STPG2: variants seen among roughly 807,000 people sequenced by gnomAD.
STPG2 encodes sperm-tail PG-rich repeat-containing protein 2.
In STPG2, 56 loss-of-function variants were observed where a neutral mutation model predicts 54.2. The observed-to-expected ratio is 1.03, with a 90% CI of 0.83 to 1.29. The LOEUF (loss-of-function observed/expected upper bound fraction) is 1.29, where lower values mean the gene tolerates loss of function less well. Among genes scored for constraint, STPG2 ranks in the 50% most tolerant of loss-of-function variants. STPG2 has a pLI of 0.00. For missense variants in STPG2, 596 were observed against 544.9 expected (o/e 1.09, Z -0.93); for synonymous variants, 200 against 181.8 (o/e 1.10, Z -0.81).
chr4:97,504,020 CAT>C (rs1327376606), intron 4 of STPG2, among the ~76,000 whole-genome samples: 2 of 137,008 alleles, frequency 1.5e-5, no homozygotes, highest in Non-Finnish European at 3.2e-5. Context: ...TTCATATAAA[CAT>C]ATTTTTTATT....
intron 10 of STPG2, among the ~76,000 whole-genome samples, chr4:97,617,607 C>T (rs893413268): frequency 6.6e-6 from 1 of 152,112 alleles, no homozygotes; most frequent in Non-Finnish European, 1.5e-5. Flanking sequence ...ATTTTTTGCA[C>T]TCCCTCTCTT....
chr4:97,633,313 T>A (rs1347093075), intron 10 of STPG2, among the ~76,000 whole-genome samples: 1 of 152,194 alleles, frequency 6.6e-6, no homozygotes, highest in Non-Finnish European at 1.5e-5. Flanking sequence ...GTTGGAATAT[T>A]GTTTGCTACA....
chr4:98,022,338 T>C (rs985709320), intron 5 of STPG2, among the ~76,000 whole-genome samples: 2 of 152,036 alleles, frequency 1.3e-5, no homozygotes, highest in African/African-American at 4.8e-5. Flanking sequence ...GAATGTTGAA[T>C]ATTGGCCCCC....
intron 10 of STPG2, among the ~76,000 whole-genome samples, chr4:97,658,438 C>T (rs770823155): frequency 3.3e-5 from 5 of 152,152 alleles, no homozygotes; most frequent in Admixed American, 1.3e-4. Flanking sequence ...AAGAGACAGG[C>T]GTGGCCTAGT....
At chr4:97,593,298 A>G (rs540953599) in intron 10 of STPG2, among the ~76,000 whole-genome samples, 5 of 152,184 alleles carry the variant, frequency 3.3e-5, no homozygotes, top group South Asian at 4.1e-4. Context: ...GCACTTGTCC[A>G]CAGCCACCCC....
At chr4:97,634,996 A>G (rs1481365900) in intron 10 of STPG2, among the ~76,000 whole-genome samples, 1 of 152,142 alleles carries the variant, frequency 6.6e-6, no homozygotes, top group Non-Finnish European at 1.5e-5. Context: ...AGAACGCCAC[A>G]AAGATACTCC....
chr4:97,607,480 G>T (rs1384485338), intron 10 of STPG2, among the ~76,000 whole-genome samples: 1 of 151,958 alleles, frequency 6.6e-6, no homozygotes, highest in Non-Finnish European at 1.5e-5. Flanking sequence ...AGAAAATATT[G>T]GTTAAAAGAA....
Position 97,478,873 on chromosome 4 carries a change from ATGTGTGTGTGTGTGTGTGTG to A in STPG2, c.462+233806_462+233825del, listed in dbSNP as rs35662485. On this transcript the variant is annotated intron_variant, in intron 4 of 4. Coordinates refer to the STPG2 transcript ENST00000522676. ...ATGAACCCTAGAAACCAAGCCAAAT[ATGTGTGTGTGTGTGTGTGTG>A]TGTGTGTGTGTGTGTGTGTGTGTGT... 3.0e-5 allele frequency among the ~76,000 whole-genome samples: 4 copies of A among 133,956 alleles called. 1 individual carries two copies. The highest frequency in any genetic ancestry group is 5.3e-4 in the South Asian group (2 of 3,804). 87.9% of individuals were successfully genotyped at this position (133,956 alleles called of 152,430 possible).
At chr4:97,833,341 A>G (rs1233434207) in intron 9 of STPG2, among the ~76,000 whole-genome samples, 2 of 152,218 alleles carry the variant, frequency 1.3e-5, no homozygotes, top group Non-Finnish European at 1.5e-5. Flanking sequence ...CTTATACCTT[A>G]AACAAAAATT....
At chr4:97,763,774 T>C (rs1725957469) in intron 9 of STPG2, among the ~76,000 whole-genome samples, 1 of 152,208 alleles carries the variant, frequency 6.6e-6, no homozygotes, top group Non-Finnish European at 1.5e-5. Context: ...ATTATGCAAA[T>C]GTTGCTGATT....
At chr4:97,580,728 G>A (rs947763350) in intron 10 of STPG2, among the ~76,000 whole-genome samples, 7 of 152,000 alleles carry the variant, frequency 4.6e-5, no homozygotes, top group Non-Finnish European at 1.0e-4. Context: ...AAATATTTAA[G>A]TGCAAGACAA....
At chr4:97,482,436 A>G (rs1730245864) in intron 4 of STPG2, among the ~76,000 whole-genome samples, 1 of 151,710 alleles carries the variant, frequency 6.6e-6, no homozygotes. Flanking sequence ...AAGAAATAGA[A>G]TTGAATGAGT....
chr4:97,565,706 C>A (rs184147141), intron 10 of STPG2, among the ~76,000 whole-genome samples: 33 of 152,258 alleles, frequency 2.2e-4, no homozygotes, highest in Non-Finnish European at 2.6e-4. Flanking sequence ...CACTCCAGAC[C>A]CTGTTTGCCT....
intron 8 of STPG2, 78 bp from the exon 9 acceptor site, chr4:97,841,010 C>G: frequency 7.1e-7 from 1 of 1,398,872 alleles, no homozygotes; most frequent in Non-Finnish European, 9.7e-7. Context: ...TGGATGGTTA[C>G]AGTAAGCAAT....
chr4:97,557,009 T>A (rs1251284571), downstream of STPG2, among the ~76,000 whole-genome samples: 1 of 152,136 alleles, frequency 6.6e-6, no homozygotes, highest in Non-Finnish European at 1.5e-5. Flanking sequence ...GGTGAAACCC[T>A]GTCTCTACTA....
chr4:97,844,117 A>C (rs1317175700), intron 8 of STPG2, among the ~76,000 whole-genome samples: 1 of 151,954 alleles, frequency 6.6e-6, no homozygotes, highest in East Asian at 1.9e-4. Context: ...ATACAAATTC[A>C]GAATTTTTCA....
At position 97,992,393 on chromosome 4, in the gene STPG2, A is replaced by G. The variant is rs925307326; in HGVS notation, c.613-11075T>C. On this transcript the variant is annotated intron_variant, in intron 5 of 10. Transcript: ENST00000295268. ...CTTTATGTTTTTGTTTGCTTTGTCA[A>G]AGATCAGTTGACTGTAAGTTTTTGG... 3.3e-5 allele frequency among the ~76,000 whole-genome samples: 5 copies of G among 152,240 alleles called. No individual in the cohort carries two copies. The South Asian group carries it at 6.2e-4, about 19-fold the overall frequency.
At chr4:97,921,535 C>A (rs1320380286) in intron 8 of STPG2, among the ~76,000 whole-genome samples, 1 of 151,270 alleles carries the variant, frequency 6.6e-6, no homozygotes, top group East Asian at 2.0e-4. Flanking sequence ...TCCAATAGTA[C>A]ACTAAATCAA....
intron 10 of STPG2, among the ~76,000 whole-genome samples, chr4:97,647,652 T>A (rs911999127): frequency 6.6e-6 from 1 of 152,078 alleles, no homozygotes; most frequent in Non-Finnish European, 1.5e-5. Context: ...TCAAGCACAA[T>A]TTGAGGATGG....
Sources: gnomAD v4.1 joint callset for allele counts (sites outside exome capture counted in the v4.1 genomes callset) on GRCh38, gnomAD v4.1.1 for gene constraint, MANE v1.5 for transcripts, NCBI Gene and HGNC (gene_info 2026-07-23, HGNC 2026-07-21) for gene names.